SAMD12: variants seen among roughly 807,000 people sequenced by gnomAD.
SAMD12 encodes sterile alpha motif domain-containing protein 12.
In SAMD12, 9 loss-of-function variants were observed where a neutral mutation model predicts 15.0. The ratio of observed to expected loss-of-function variants is 0.60; its 90% CI spans 0.36 to 1.05. The LOEUF is 1.05. SAMD12 is among the 50% of genes least tolerant of loss of function. SAMD12 has a pLI of 0.01. For missense variants in SAMD12, 230 were observed against 234.2 expected, an observed-to-expected ratio of 0.98 and a Z score of 0.12; for synonymous variants, 86 against 90.1, an observed-to-expected ratio of 0.96 and a Z score of 0.25.
chr8:118,466,878 T>C (rs752081159), intron 2 of SAMD12, among the ~76,000 whole-genome samples: 3 of 152,124 alleles, frequency 2.0e-5, no homozygotes, highest in Non-Finnish European at 2.9e-5. Context: ...TTTTGACAAA[T>C]CTTAAAGGAA....
chr8:118,426,018 G>C (rs1187353134), intron 3 of SAMD12, among the ~76,000 whole-genome samples: 1 of 152,158 alleles, frequency 6.6e-6, no homozygotes, highest in Non-Finnish European at 1.5e-5. Context: ...AAAAAAAGGA[G>C]ACAGAAGGAG....
At chr8:118,320,816 T>TAAA (rs200542019) in intron 4 of SAMD12, among the ~76,000 whole-genome samples, 32 of 146,728 alleles carry the variant, frequency 2.2e-4, no homozygotes, top group African/African-American at 6.7e-4. Flanking sequence ...TAAAGTATAA[T>TAAA]AAAAATATAT....
chr8:118,284,436 C>T (rs935918393), intron 4 of SAMD12: 53 of 450,810 alleles, frequency 1.2e-4, no homozygotes, highest in Admixed American at 7.1e-5. Context: ...GTGATTCTGC[C>T]TGCCTGATAT....
chr8:118,207,466 A>G (rs1416848932), intron 4 of SAMD12, among the ~76,000 whole-genome samples: 1 of 152,140 alleles, frequency 6.6e-6, no homozygotes, highest in African/African-American at 2.4e-5. Context: ...TCCAGAGGAC[A>G]ACTCTGTCCA....
intron 3 of SAMD12, among the ~76,000 whole-genome samples, chr8:118,427,789 T>C (rs1018328588): frequency 6.6e-5 from 10 of 152,208 alleles, no homozygotes; most frequent in African/African-American, 2.4e-4. Flanking sequence ...CCTGGGTAGA[T>C]ACCTTGGAGT....
chr8:118,255,974 G>C (rs1387258476), intron 4 of SAMD12, among the ~76,000 whole-genome samples: 2 of 152,104 alleles, frequency 1.3e-5, no homozygotes, highest in Non-Finnish European at 2.9e-5. Flanking sequence ...CCCACCAACA[G>C]TGTAAAAGTG....
Position 118,226,184 on chromosome 8 carries a change from T to A in SAMD12, c.434-28452A>T, listed in dbSNP as rs553381512. Among the ~76,000 whole-genome samples, 5 of 152,252 alleles carry A rather than the reference T, an allele frequency of 3.3e-5. No homozygotes were observed. In the Middle Eastern group the frequency reaches 0.014, roughly 414 times the overall value. Reference sequence around the variant, plus strand: ...ACCAATGTTGTCCCCATTTAACACATGAGGACACTGAGGAATGAGGAAGCT... The same window carrying A: ...ACCAATGTTGTCCCCATTTAACACAAGAGGACACTGAGGAATGAGGAAGCT... On this transcript the variant is annotated intron_variant, in intron 4 of 4. Transcript: ENST00000409003.
intron 2 of SAMD12, among the ~76,000 whole-genome samples, chr8:118,531,707 C>G (rs1825689475): frequency 6.6e-6 from 1 of 152,142 alleles, no homozygotes; most frequent in Admixed American, 6.5e-5. Context: ...TGGGATTTCA[C>G]TCATGATTTG....
chr8:118,425,137 A>G (rs988652819), intron 3 of SAMD12, among the ~76,000 whole-genome samples: 1 of 151,916 alleles, frequency 6.6e-6, no homozygotes, highest in African/African-American at 2.4e-5. Context: ...ACAGGGTTTC[A>G]CCGTGTTAGC....
intron 3 of SAMD12, among the ~76,000 whole-genome samples, chr8:118,408,824 T>G (rs1036623793): frequency 2.0e-5 from 3 of 152,160 alleles, no homozygotes; most frequent in African/African-American, 4.8e-5. Flanking sequence ...TTAGCTCACT[T>G]TGCCTTAGCT....
intron 2 of SAMD12, among the ~76,000 whole-genome samples, chr8:118,496,324 T>C (rs1344906482): frequency 2.6e-5 from 4 of 152,112 alleles, no homozygotes; most frequent in Admixed American, 6.6e-5. Context: ...CAAACTATAC[T>C]ACAAGGCTAC....
intron 4 of SAMD12, among the ~76,000 whole-genome samples, chr8:118,338,240 A>T (rs1817179636): frequency 6.6e-6 from 1 of 152,250 alleles, no homozygotes; most frequent in Non-Finnish European, 1.5e-5. Flanking sequence ...AAGATTAGCA[A>T]GTAATGTTTT....
chr8:118,448,838 C>A (rs1253602982), intron 2 of SAMD12, among the ~76,000 whole-genome samples: 2 of 152,190 alleles, frequency 1.3e-5, no homozygotes, highest in East Asian at 3.8e-4. Flanking sequence ...GGTCACTGAA[C>A]CTTTCTAAAC....
At chr8:118,176,806 T>C in the SAMD12 span, among the ~76,000 whole-genome samples, 2 of 151,790 alleles carry the variant, frequency 1.3e-5, no homozygotes, top group African/African-American at 4.8e-5. Flanking sequence ...GAACCTAAAA[T>C]TAAAAAAAAA....
In SAMD12 at chr8:118,422,916, AAGG is replaced by A. The variant is rs368197885; in HGVS notation, c.322+16913_322+16915del. On this transcript the variant is annotated intron_variant, in intron 3 of 3. Transcript: ENST00000314727. The stretch of plus-strand genomic sequence containing the variant: ...GTGGGAGGAGCAAGGGACGGTAGGC[AAGG>A]AGAAGACCACAGTTAGGTCACTGGC... Among the ~76,000 whole-genome samples, 4 of 152,342 alleles carry A rather than the reference AAGG, an allele frequency of 2.6e-5. No homozygotes were observed. In the East Asian group the frequency reaches 7.7e-4, roughly 29 times the overall value.
rs545518647 is a variant in SAMD12, at chr8:118,304,412, A to G, written c.433+75148T>C. 2.6e-5 allele frequency among the ~76,000 whole-genome samples: 4 copies of G among 152,282 alleles called. No individual in the cohort carries two copies. The East Asian group carries it at 5.8e-4, about 22-fold the overall frequency. On this transcript the variant is annotated intron_variant, in intron 4 of 4. Transcript: ENST00000409003. ...TTCTATTATTTCATTACCAATATTC[A>G]TCTTCTCCAGAAGCATTTTTCAATC...
At chr8:118,532,483 C>G (rs1323305145) in intron 2 of SAMD12, among the ~76,000 whole-genome samples, 1 of 152,072 alleles carries the variant, frequency 6.6e-6, no homozygotes, top group African/African-American at 2.4e-5. Flanking sequence ...CCCTCTTTTT[C>G]TATTGATTGG....
chr8:118,610,151 C>A (rs1054685264), intron 1 of SAMD12, among the ~76,000 whole-genome samples: 1 of 152,042 alleles, frequency 6.6e-6, no homozygotes, highest in African/African-American at 2.4e-5. Context: ...CATGAGAAAA[C>A]AACAAAAACC....
chr8:118,345,774 G>T (rs1177071612), intron 4 of SAMD12, among the ~76,000 whole-genome samples: 1 of 152,202 alleles, frequency 6.6e-6, no homozygotes, highest in Non-Finnish European at 1.5e-5. Context: ...GACAGGGTAG[G>T]TTAGTCTAGG....
Sources: gnomAD v4.1 joint callset for allele counts (sites outside exome capture counted in the v4.1 genomes callset) on GRCh38, gnomAD v4.1.1 for gene constraint, MANE v1.5 for transcripts, NCBI Gene and HGNC (gene_info 2026-07-23, HGNC 2026-07-21) for gene names.